Variants in IBTK observed in about 807,000 individuals in gnomAD.
IBTK encodes the protein inhibitor of Bruton tyrosine kinase.
Under a neutral mutation model 154.9 loss-of-function variants are expected in IBTK, and 83 were observed. The observed-to-expected ratio is 0.54, with a 90% CI of 0.45 to 0.64. IBTK has a LOEUF of 0.64. IBTK is among the 30% of genes least tolerant of loss of function. The probability of loss-of-function intolerance (pLI) is 0.00; values close to 1 mark genes in which losing one functional copy is unlikely to be tolerated. For missense variants in IBTK, 1,332 were observed against 1,584.6 expected (o/e 0.84, Z 2.71); for synonymous variants, 515 against 536.1 (o/e 0.96, Z 0.54).
Position 82,214,250 on chromosome 6 carries a change from G to A in IBTK, c.2181C>T (p.Phe727=), listed in dbSNP as rs759118591. ...ACCTACTACTCAAATTACTGAAGTC[G>A]AATTTCTTTGCAACAGTTTGCAACA... ...VRMLQTVAKK[F]DFSNLSSRLD... is the part of the protein sequence containing the mutation. The change falls in exon 12 of 29, where the codon TTC becomes TTT. Residue 727 remains phenylalanine (F), a synonymous_variant. Transcript: ENST00000306270. 6.8e-6 allele frequency: 11 copies of A among 1,611,154 alleles called. No individual in the cohort carries two copies. Among genetic ancestry groups the A allele is most frequent in the South Asian group, 2.2e-5 (2 of 90,630 alleles).
rs751807612 is a variant in IBTK, at chr6:82,214,671, T to A, written c.1760A>T (p.Asp587Val). ...AHKYILAVHS[D>V]FFQKLFLSDG... ...TGAAAGAAACAATTTCTGAAAAAAA[T>A]CAGAATGCACTGCCAAAATATATTT... The change falls in exon 12 of 29, where the codon GAT becomes GTT. Residue 587 changes from aspartate to valine, a missense_variant. By Grantham distance (152) the Asp-to-Val change is radical. Transcript: ENST00000306270. The A allele has an allele frequency of 6.2e-7, 1 of 1,613,976 alleles. No homozygotes were observed. Among genetic ancestry groups the A allele is most frequent in the East Asian group, 2.2e-5 (1 of 44,844 alleles).
At chr6:82,199,763 A>C (rs999183941) in intron 21 of IBTK, among the ~76,000 whole-genome samples, 5 of 152,206 alleles carry the variant, frequency 3.3e-5, no homozygotes, top group African/African-American at 1.2e-4. Context: ...AAGAGCCTCC[A>C]AAATCTGACC....
In IBTK at chr6:82,224,197, C is replaced by A; in HGVS notation, c.826-12G>T. 6.4e-7 allele frequency: 1 copy of A among 1,556,330 alleles called. No individual in the cohort carries two copies. The highest frequency in any genetic ancestry group is 8.9e-7 in the Non-Finnish European group (1 of 1,128,204). On this transcript the variant is annotated splice_polypyrimidine_tract_variant and intron_variant, in intron 6 of 28. Coordinates refer to ENST00000306270, the MANE Select transcript of IBTK (RefSeq NM_015525.4). ...TATTTTGCCTGTATCTATTTAAAGA[C>A]AAATAAAACTGCAATTTACTATATA...
chr6:82,177,671 C>T (rs1768170193), intron 26 of IBTK, among the ~76,000 whole-genome samples: 1 of 152,134 alleles, frequency 6.6e-6, no homozygotes, highest in African/African-American at 2.4e-5. Context: ...GCCTCGGCCT[C>T]CCAAAGTGCT....
chr6:82,185,575 C>G (rs111737908), intron 25 of IBTK, among the ~76,000 whole-genome samples: 5 of 150,164 alleles, frequency 3.3e-5, no homozygotes, highest in South Asian at 2.2e-4. Context: ...CCAATGCATA[C>G]GAGATATGTT....
chr6:82,208,064 A>G (rs1451760771), intron 16 of IBTK, among the ~76,000 whole-genome samples: 3 of 151,826 alleles, frequency 2.0e-5, no homozygotes, highest in African/African-American at 7.3e-5. Flanking sequence ...CTACACTGAT[A>G]ATAATGTACT....
At chr6:82,219,563 T>C (rs1396801950) in intron 9 of IBTK, among the ~76,000 whole-genome samples, 2 of 150,940 alleles carry the variant, frequency 1.3e-5, no homozygotes, top group Non-Finnish European at 3.0e-5. Flanking sequence ...TATTTAGAGA[T>C]GGCTCCCACC....
rs531092989 is a variant in IBTK, at chr6:82,206,725, T to C, written c.2510-1767A>G. On this transcript the variant is annotated intron_variant, in intron 16 of 28. Transcript: ENST00000306270. ...CGCTAAGAAACTAAATCCAGTAACATATAAAAAGGAATTATACAACATGAC... is the reference window on the plus strand; with the variant it reads ...CGCTAAGAAACTAAATCCAGTAACACATAAAAAGGAATTATACAACATGAC... Among the ~76,000 whole-genome samples, 45 of 152,028 alleles carry C rather than the reference T, an allele frequency of 3.0e-4. 1 individual carries two copies. In the East Asian group the frequency reaches 3.7e-3, roughly 12 times the overall value.
intron 24 of IBTK, chr6:82,191,472 C>T (rs892225588): frequency 3.6e-6 from 2 of 556,790 alleles, no homozygotes; most frequent in African/African-American, 3.8e-5. Context: ...TCCAACATAT[C>T]ACAAATTTCA....
chr6:82,216,908 T>C (rs1769896679), intron 10 of IBTK, among the ~76,000 whole-genome samples: 2 of 152,166 alleles, frequency 1.3e-5, no homozygotes, highest in South Asian at 2.1e-4. Flanking sequence ...ATATGAAATT[T>C]ACATGAATGA....
At chr6:82,236,441 T>C (rs779008085) in intron 2 of IBTK, among the ~76,000 whole-genome samples, 6 of 152,144 alleles carry the variant, frequency 3.9e-5, no homozygotes, top group Non-Finnish European at 8.8e-5. Flanking sequence ...GAATAGTAAG[T>C]AAACCACCAG....
chr6:82,214,702 C>T lies in IBTK; in HGVS notation c.1729G>A (p.Ala577Thr). 6.2e-7 allele frequency: 1 copy of T among 1,614,014 alleles called. No homozygotes were observed. Among genetic ancestry groups the T allele is most frequent in the South Asian group, 1.1e-5 (1 of 91,074 alleles). The change falls in exon 12 of 29, where the codon GCA becomes ACA. Residue 577 changes from alanine (A) to threonine (T), a missense_variant. This residue lies in a region of IBTK where 1,134 missense variants were observed against 1,274.7 expected (regional missense o/e 0.89). Coordinates refer to ENST00000306270, the MANE Select transcript of IBTK (RefSeq NM_015525.4). ...TGCACTGCCAAAATATATTTATGTG[C>T]AGGGAAGAGTCTATTGCCAACTTGA... Reference protein sequence around the residue: ...TFQVGNRLFPAHKYILAVHSD... With the variant: ...TFQVGNRLFPTHKYILAVHSD...
chr6:82,231,203 T>C (rs1191639398), intron 4 of IBTK, among the ~76,000 whole-genome samples: 1 of 152,160 alleles, frequency 6.6e-6, no homozygotes, highest in Non-Finnish European at 1.5e-5. Flanking sequence ...AGATTAAACA[T>C]ATTCTCTTCA....
At chr6:82,186,447 A>T (rs1471899467) in intron 25 of IBTK, among the ~76,000 whole-genome samples, 1 of 152,206 alleles carries the variant, frequency 6.6e-6, no homozygotes, top group East Asian at 1.9e-4. Context: ...TAGCAATAAA[A>T]TAGTTTTACA....
intron 1 of IBTK, among the ~76,000 whole-genome samples, chr6:82,241,182 C>T (rs9294253): frequency 0.17 from 25,579 of 151,990 alleles, 2,196 homozygotes; most frequent in Non-Finnish European, 0.18. Context: ...AGTTAACCCA[C>T]ATTGGTTGTA....
Position 82,214,736 on chromosome 6 carries a change from A to G in IBTK, c.1695T>C (p.Asp565=). Reference sequence around the variant, plus strand: ...GTCTATTGCCAACTTGAAATGTCACATCATGAATGCTGTCCATTTCATCTG... The same window carrying G: ...GTCTATTGCCAACTTGAAATGTCACGTCATGAATGCTGTCCATTTCATCTG... ...READEMDSIH[D]VTFQVGNRLF... is the part of the protein sequence containing the mutation. Residue 565 remains aspartate, a synonymous_variant, in exon 12 of 29, where the codon GAT becomes GAC. Coordinates refer to ENST00000306270, the MANE Select transcript of IBTK (RefSeq NM_015525.4). 4 of 1,614,108 alleles carry G rather than the reference A, an allele frequency of 2.5e-6. No homozygotes were observed. The highest frequency in any genetic ancestry group is 3.4e-6 in the Non-Finnish European group (4 of 1,179,990).
chr6:82,192,821 C>A (rs1262918899), intron 23 of IBTK, among the ~76,000 whole-genome samples: 1 of 150,964 alleles, frequency 6.6e-6, no homozygotes, highest in Non-Finnish European at 1.5e-5. Flanking sequence ...ATAAGTCAGT[C>A]AGGCACAGTG....
At chr6:82,175,388 A>G (rs1190231844) in intron 26 of IBTK, among the ~76,000 whole-genome samples, 1 of 152,194 alleles carries the variant, frequency 6.6e-6, no homozygotes. Context: ...AGACTCAGAA[A>G]GAGCTGTATA....
intron 21 of IBTK, among the ~76,000 whole-genome samples, chr6:82,199,749 A>T (rs1289043713): frequency 6.6e-6 from 1 of 152,310 alleles, no homozygotes; most frequent in Non-Finnish European, 1.5e-5. Context: ...TTAGTTTGGC[A>T]TATAAGAGCC....
Sources: gnomAD v4.1 joint callset for allele counts (sites outside exome capture counted in the v4.1 genomes callset) on GRCh38, gnomAD v4.1.1 for gene constraint, gnomAD v4.1.1 regional missense constraint, MANE v1.5 for transcripts, NCBI Gene and HGNC (gene_info 2026-07-23, HGNC 2026-07-21) for gene names.